Variants in YTHDF1 observed in about 807,000 individuals in gnomAD.
The protein encoded by YTHDF1 is YTH domain-containing family protein 1.
Under a neutral mutation model 49.1 loss-of-function variants are expected in YTHDF1, and 16 were observed. That is an observed-to-expected ratio of 0.33 (90% confidence interval 0.22 to 0.49). The LOEUF (loss-of-function observed/expected upper bound fraction) is 0.49. Among genes scored for constraint, YTHDF1 ranks in the 20% least tolerant of loss-of-function variants. The pLI, the probability that YTHDF1 is intolerant of heterozygous loss-of-function variation, is 0.99. For missense variants in YTHDF1, 621 were observed against 744.3 expected (o/e 0.83, Z 1.93); for synonymous variants, 313 against 290.1 (o/e 1.08, Z -0.80).
At position 63,196,306 on chromosome 20, in the gene YTHDF1, C is replaced by A. The variant is rs2066492201; in HGVS notation, c.*402G>T. Reference sequence around the variant, plus strand: ...ATTTTCAAGAGATTTTATCAGAATACTCTAAATGACAAAATGACTCATGGT... The same window carrying A: ...ATTTTCAAGAGATTTTATCAGAATAATCTAAATGACAAAATGACTCATGGT... On this transcript the variant is annotated 3_prime_UTR_variant, in exon 5 of 5. Transcript: ENST00000370339. 6.3e-6 allele frequency: 1 copy of A among 159,146 alleles called. No homozygotes were observed. Among genetic ancestry groups the A allele is most frequent in the African/African-American group, 2.4e-5 (1 of 41,666 alleles). 9.9% of individuals were successfully genotyped at this position (159,146 alleles called of 1,614,324 possible).
Position 63,214,504 on chromosome 20 carries a change from T to C in YTHDF1, c.53-561A>G, listed in dbSNP as rs986064929. Among the ~76,000 whole-genome samples the C allele has an allele frequency of 2.6e-5, 4 of 152,194 alleles. No homozygotes were observed. The South Asian group carries it at 6.2e-4, about 24-fold the overall frequency. On this transcript the variant is annotated intron_variant, in intron 2 of 4. Transcript: ENST00000370339. ...ACAACCTCAGGAGGTCTTGACAACA[T>C]GTGCCCAAGGTAGTCGGGGGACAGC... is the stretch of plus-strand genomic sequence containing the variant.
intron 4 of YTHDF1, among the ~76,000 whole-genome samples, chr20:63,200,350 T>C (rs2066512035): frequency 6.6e-6 from 1 of 151,494 alleles, no homozygotes; most frequent in South Asian, 2.1e-4. Context: ...GACGGTGAGA[T>C]TGGCTCAAAA....
At chr20:63,211,499 C>T (rs934262562) in intron 3 of YTHDF1, among the ~76,000 whole-genome samples, 1 of 152,124 alleles carries the variant, frequency 6.6e-6, no homozygotes, top group Non-Finnish European at 1.5e-5. Context: ...GATATGCCCA[C>T]TATCTTAACT....
At chr20:63,205,571 C>T (rs1279824193) in intron 3 of YTHDF1, among the ~76,000 whole-genome samples, 1 of 151,848 alleles carries the variant, frequency 6.6e-6, no homozygotes, top group Non-Finnish European at 1.5e-5. Context: ...TGCAGTGGCA[C>T]GATCTCAGCT....
rs374379978 is a variant in YTHDF1 at position 63,202,426 on chromosome 20, G to C, written c.1514C>G (p.Ser505Cys). The change falls in exon 4 of 5, where the codon TCC becomes TGC. Residue 505 changes from serine (S) to cysteine (C), a missense_variant. Ser to Cys is a moderately radical substitution (Grantham distance 112). Around this residue, in one of 2 missense-constraint regions of YTHDF1, gnomAD observed 151 missense variants for 248.5 expected, o/e 0.61. Transcript: ENST00000370339. ...ENNDNKPVTNSRDTQEVPLEK... is the reference protein window; with the variant it reads ...ENNDNKPVTNCRDTQEVPLEK... The stretch of plus-strand genomic sequence containing the variant: ...TAAGGGCACCTCCTGGGTGTCCCGG[G>C]AGTTTGTGACCGGTTTGTTGTCGTT... 1 of 1,614,270 alleles carries C rather than the reference G, an allele frequency of 6.2e-7. No individual in the cohort carries two copies. Among genetic ancestry groups the C allele is most frequent in the Non-Finnish European group, 8.5e-7 (1 of 1,180,046 alleles).
intron 4 of YTHDF1, among the ~76,000 whole-genome samples, chr20:63,201,381 A>C (rs879652707): frequency 1.3e-5 from 2 of 152,220 alleles, no homozygotes; most frequent in Admixed American, 6.5e-5. Context: ...TCAGGAAGGG[A>C]TATTTTTTAA....
At chr20:63,205,604 G>T (rs945909132) in intron 3 of YTHDF1, among the ~76,000 whole-genome samples, 5 of 151,824 alleles carry the variant, frequency 3.3e-5, no homozygotes, top group Non-Finnish European at 7.4e-5. Context: ...CGCCTCCCAG[G>T]TTCAAGCGAT....
chr20:63,208,145 T>C (rs975196002), intron 3 of YTHDF1, among the ~76,000 whole-genome samples: 1 of 152,104 alleles, frequency 6.6e-6, no homozygotes, highest in African/African-American at 2.4e-5. Context: ...TATATCCATT[T>C]TTCTGAGATG....
intron 3 of YTHDF1, among the ~76,000 whole-genome samples, chr20:63,213,418 G>GTGAGACGCT (rs2066585155): frequency 6.6e-6 from 1 of 152,216 alleles, no homozygotes; most frequent in Non-Finnish European, 1.5e-5. Flanking sequence ...GGTGGCAAGA[G>GTGAGACGCT]TGAGACGCTG....
At chr20:63,212,267 G>A (rs568188603) in intron 3 of YTHDF1, among the ~76,000 whole-genome samples, 193 of 152,320 alleles carry the variant, frequency 1.3e-3, no homozygotes, top group African/African-American at 4.5e-3. Flanking sequence ...GCGCTGCCGA[G>A]GCTCCACCTG....
chr20:63,215,827 TCGGCCC>T, intron 1 of YTHDF1, 33 bp downstream of exon 1: 1 of 1,452,334 alleles, frequency 6.9e-7, no homozygotes, highest in Non-Finnish European at 9.1e-7. Context: ...ACCCCGCGCC[TCGGCCC>T]CGGCCGCGGC....
chr20:63,215,606 A>G lies in YTHDF1; in HGVS notation c.28-5T>C. 1 of 1,608,718 alleles carries G rather than the reference A, an allele frequency of 6.2e-7. No homozygotes were observed. The highest frequency in any genetic ancestry group is 8.5e-7 in the Non-Finnish European group (1 of 1,177,790). ...ATTATCTTGTCCTTTTGTTCTCTGC[A>G]CCGCCGCAGGCCGGGACGTGGGGTA... On this transcript the variant is annotated splice_polypyrimidine_tract_variant and splice_region_variant and intron_variant, in intron 1 of 4. Coordinates refer to ENST00000370339, the MANE Select transcript of YTHDF1 (RefSeq NM_017798.4).
chr20:63,203,173 A>G lies in YTHDF1; in HGVS notation c.767T>C (p.Met256Thr). ...PKMKTKSGPV[M>T]GGGLPPPPIK... is the part of the protein sequence containing the mutation. ...GGGTGGAGGGGGCAGCCCACCCCCC[A>G]TGACAGGCCCGCTCTTTGTTTTCAT... The change falls in exon 4 of 5, where the codon ATG becomes ACG. Residue 256 changes from methionine to threonine, a missense_variant. Transcript: ENST00000370339. The surrounding 1 kb of genome is among the most constrained non-coding windows in gnomAD (Gnocchi z 4.4). 2 of 1,613,822 alleles carry G rather than the reference A, an allele frequency of 1.2e-6. No homozygotes were observed.
At chr20:63,201,200 G>T (rs990452164) in intron 4 of YTHDF1, among the ~76,000 whole-genome samples, 1 of 152,170 alleles carries the variant, frequency 6.6e-6, no homozygotes, top group Non-Finnish European at 1.5e-5. Context: ...CTTGCATAAT[G>T]TAAGACTGCA....
intron 3 of YTHDF1, among the ~76,000 whole-genome samples, chr20:63,207,423 C>T (rs1014106432): frequency 2.0e-5 from 3 of 151,790 alleles, no homozygotes; most frequent in South Asian, 2.1e-4. Context: ...GAGCCGAGAT[C>T]GAGCCACTGC....
At chr20:63,209,487 C>T (rs545644738) in intron 3 of YTHDF1, among the ~76,000 whole-genome samples, 6 of 152,112 alleles carry the variant, frequency 3.9e-5, no homozygotes, top group African/African-American at 1.4e-4. Context: ...AATGAAGACA[C>T]GGCCAGGCAC....
At chr20:63,212,781 T>C (rs1264068932) in intron 3 of YTHDF1, among the ~76,000 whole-genome samples, 1 of 152,012 alleles carries the variant, frequency 6.6e-6, no homozygotes, top group African/African-American at 2.4e-5. Flanking sequence ...CAAGACAGTT[T>C]TGCTTGCTAC....
intron 4 of YTHDF1, among the ~76,000 whole-genome samples, chr20:63,201,695 T>C (rs963688958): frequency 6.6e-6 from 1 of 152,244 alleles, no homozygotes; most frequent in African/African-American, 2.4e-5. Context: ...CCATTTTCTT[T>C]ACGACCTAGA....
In YTHDF1 at chr20:63,207,758, G is replaced by C. The variant is rs574107693; in HGVS notation, c.133-3951C>G. On this transcript the variant is annotated intron_variant, in intron 3 of 4. Coordinates refer to ENST00000370339, the MANE Select transcript of YTHDF1 (RefSeq NM_017798.4). ...ACAGTGGCTCTGGCCTGTAATCCCA[G>C]CACTTTGGGAGGCCGAGGCAGGTGA... Among the ~76,000 whole-genome samples the C allele has an allele frequency of 4.6e-5, 7 of 152,234 alleles. No individual in the cohort carries two copies. In the South Asian group the frequency reaches 1.5e-3, roughly 32 times the overall value.
Sources: allele counts gnomAD v4.1 joint callset (sites outside exome capture counted in the v4.1 genomes callset), GRCh38; gene constraint gnomAD v4.1.1; regional missense constraint gnomAD v4.1.1; non-coding constraint Gnocchi (gnomAD v3.1); transcripts MANE v1.5; gene names NCBI Gene and HGNC (gene_info 2026-07-23, HGNC 2026-07-21).